The following FSIP2 variants were observed in gnomAD, a reference collection of about 807,000 sequenced individuals.
FSIP2 encodes the protein fibrous sheath-interacting protein 2.
In FSIP2, 367 loss-of-function variants were observed where a neutral mutation model predicts 510.5. That is an observed-to-expected ratio of 0.72 (90% CI 0.66 to 0.78). The LOEUF (loss-of-function observed/expected upper bound fraction) is 0.78, where lower values mean the gene tolerates loss of function less well. Ranked by LOEUF, FSIP2 falls within the 30% of genes least tolerant of loss-of-function variation. FSIP2 has a pLI of 0.00. For synonymous variants in FSIP2, 2,601 were observed against 2,732.2 expected (o/e 0.95, Z 1.50); for missense variants, 7,594 against 7,901.7 (o/e 0.96, Z 1.48).
chr2:185,769,836 C>G (rs1692571113), intron 13 of FSIP2, among the ~76,000 whole-genome samples: 1 of 152,104 alleles, frequency 6.6e-6, no homozygotes, highest in Non-Finnish European at 1.5e-5. Flanking sequence ...ATATGGCTAG[C>G]CAGTTATTCC....
At position 185,802,048 on chromosome 2, in the gene FSIP2, A is replaced by C. The variant is rs1015310106; in HGVS notation, c.12742A>C (p.Ser4248Arg). 21 of 1,532,508 alleles carry C rather than the reference A, an allele frequency of 1.4e-5. No homozygotes were observed. The highest frequency in any genetic ancestry group is 2.0e-5 in the Admixed American group (1 of 50,608). The allele number at this position is 1,532,508 out of a possible 1,614,324, so 94.9% of individuals were successfully genotyped here. A position where few individuals can be genotyped will look rare whatever the true frequency, so the allele number is the denominator to read the frequency against. The change falls in exon 17 of 23, where the codon AGC becomes CGC. Residue 4248 changes from serine (S) to arginine (R), a missense_variant. Coordinates refer to ENST00000424728, the MANE Select transcript of FSIP2 (RefSeq NM_173651.4). ...RSPIMIDQIA[S>R]FIIQEIIENH... Reference sequence around the variant, plus strand: ...CCCAATTATGATTGACCAAATAGCCAGCTTTATCATCCAAGAGATTATCGA... The same window carrying C: ...CCCAATTATGATTGACCAAATAGCCCGCTTTATCATCCAAGAGATTATCGA...
rs1466481367 is a variant in FSIP2, at chr2:185,793,249, C to A, written c.6113C>A (p.Ala2038Glu). Residue 2038 changes from alanine to glutamate, a missense_variant, in exon 16 of 23, where the codon GCA becomes GAA. Ala to Glu is a moderately radical substitution (Grantham distance 107, BLOSUM62 -1). Coordinates refer to ENST00000424728, the MANE Select transcript of FSIP2 (RefSeq NM_173651.4). Reference sequence around the variant, plus strand: ...GACATTGGGATTTCTGAAAGTATTGCAAGTCAAATTGTTAACGCATTGTTA... The same window carrying A: ...GACATTGGGATTTCTGAAAGTATTGAAAGTCAAATTGTTAACGCATTGTTA... ...THDIGISESI[A>E]SQIVNALLDI... 6.5e-7 allele frequency: 1 copy of A among 1,533,972 alleles called. No homozygotes were observed. Among genetic ancestry groups the A allele is most frequent in the East Asian group, 2.4e-5 (1 of 40,832 alleles).
chr2:185,786,134 A>G, intron 14 of FSIP2, 118 bp from the exon 15 acceptor site: 1 of 666,640 alleles, frequency 1.5e-6, no homozygotes, highest in Non-Finnish European at 2.5e-6. Context: ...TTCATTTTGA[A>G]TTTCTAGAGA....
rs1477545070 is a variant in FSIP2 at position 185,791,060 on chromosome 2, T to C, written c.3924T>C (p.Asn1308=). Residue 1308 remains asparagine (N), a synonymous_variant, in exon 16 of 23, where the codon AAT becomes AAC. Coordinates refer to ENST00000424728, the MANE Select transcript of FSIP2 (RefSeq NM_173651.4). ...ACATTGTTTTATGTGCTATCCAGAATGAACTGGAACTTCACAAGGAAAACC... is the reference window on the plus strand; with the variant it reads ...ACATTGTTTTATGTGCTATCCAGAACGAACTGGAACTTCACAAGGAAAACC... ...IVNIVLCAIQ[N]ELELHKENLN... is the part of the protein sequence containing the mutation. 21 of 1,532,146 alleles carry C rather than the reference T, an allele frequency of 1.4e-5. No individual in the cohort carries two copies. The highest frequency in any genetic ancestry group is 1.7e-4 in the Middle Eastern group (1 of 5,982). 94.9% of individuals were successfully genotyped at this position (1,532,146 alleles called of 1,614,324 possible). A position where few individuals can be genotyped will look rare whatever the true frequency, so the allele number is the denominator to read the frequency against.
rs552370978 is a variant in FSIP2, at chr2:185,767,099, A to G, written c.1411+2534A>G. 9.3e-3 allele frequency among the ~76,000 whole-genome samples: 1,311 copies of G among 140,316 alleles called. 10 individuals are homozygous for G. Among genetic ancestry groups the G allele is most frequent in the African/African-American group, 0.033 (1,218 of 37,394 alleles). 92.1% of individuals were successfully genotyped at this position (140,316 alleles called of 152,430 possible). ...AACCAAACACCGCATATTCTCACTCATAGGTGGGAATTGAACAATGAGATC... is the reference window on the plus strand; with the variant it reads ...AACCAAACACCGCATATTCTCACTCGTAGGTGGGAATTGAACAATGAGATC... On this transcript the variant is annotated intron_variant, in intron 13 of 22. Coordinates refer to ENST00000424728, the MANE Select transcript of FSIP2 (RefSeq NM_173651.4).
intron 13 of FSIP2, among the ~76,000 whole-genome samples, chr2:185,771,313 T>C (rs1032336724): frequency 3.3e-5 from 5 of 152,206 alleles, no homozygotes; most frequent in African/African-American, 1.2e-4. Flanking sequence ...CCTACTAGAG[T>C]CTCTCTGCAG....
intron 19 of FSIP2, among the ~76,000 whole-genome samples, chr2:185,820,126 G>A (rs1185010629): frequency 2.0e-5 from 3 of 151,864 alleles, no homozygotes; most frequent in Non-Finnish European, 4.4e-5. Context: ...CCCACATGTC[G>A]TGAGAAGGAC....
rs1441321885 is a variant in FSIP2 at position 185,808,629 on chromosome 2, T to C, written c.19323T>C (p.Tyr6441=). 1.9e-6 allele frequency: 3 copies of C among 1,602,228 alleles called. No individual in the cohort carries two copies. The highest frequency in any genetic ancestry group is 3.4e-5 in the Admixed American group (2 of 58,090). ...CAGGAACCAACAAAGAATTTTATTA[T>C]GATATAAAAGATACAAATACAGCCT... ...QQSGTNKEFY[Y]DIKDTNTAFP... The change falls in exon 17 of 23, where the codon TAT becomes TAC. Residue 6441 remains tyrosine (Y), a synonymous_variant. Coordinates refer to ENST00000424728, the MANE Select transcript of FSIP2 (RefSeq NM_173651.4).
At chr2:185,759,474 T>C (rs1026607695) in intron 9 of FSIP2, among the ~76,000 whole-genome samples, 1 of 145,664 alleles carries the variant, frequency 6.9e-6, no homozygotes, top group Admixed American at 7.0e-5. Context: ...TACAGAAATA[T>C]ATATTCACAT....
In FSIP2 at chr2:185,796,676, T is replaced by G. The variant is rs1265913189; in HGVS notation, c.9540T>G (p.Pro3180=). The G allele has an allele frequency of 6.5e-7, 1 of 1,535,126 alleles. No individual in the cohort carries two copies. The highest frequency in any genetic ancestry group is 8.7e-7 in the Non-Finnish European group (1 of 1,146,266). ...AGGAAGGTAGTTTGGGGATTAATCC[T>G]TCACAAGTGAGTAAAACTGGGTTTG... ...KLKEGSLGIN[P]SQVSKTGFVF... Residue 3180 remains proline (P), a synonymous_variant, in exon 16 of 23, where the codon CCT becomes CCG. Coordinates refer to ENST00000424728, the MANE Select transcript of FSIP2 (RefSeq NM_173651.4).
At position 185,756,237 on chromosome 2, in the gene FSIP2, T is replaced by A; in HGVS notation, c.1037T>A (p.Val346Asp). 1 of 1,350,674 alleles carries A rather than the reference T, an allele frequency of 7.4e-7. No homozygotes were observed. Among genetic ancestry groups the A allele is most frequent in the Admixed American group, 2.2e-5 (1 of 45,810 alleles). The allele number at this position is 1,350,674 out of a possible 1,614,324, so 83.7% of individuals were successfully genotyped here. A position where few individuals can be genotyped will look rare whatever the true frequency, so the allele number is the denominator to read the frequency against. ...KKKTSEDIMLVYPAGDQNTYK... is the reference protein window; with the variant it reads ...KKKTSEDIMLDYPAGDQNTYK... ...AAGACTTCTGAAGATATAATGTTAG[T>A]TTATCCTGCTGGAGACCAGAATACA... Residue 346 changes from valine to aspartate, a missense_variant, in exon 9 of 23, where the codon GTT becomes GAT. Coordinates refer to ENST00000424728, the MANE Select transcript of FSIP2 (RefSeq NM_173651.4).
intron 19 of FSIP2, among the ~76,000 whole-genome samples, chr2:185,817,457 AT>A (rs1693846223): frequency 6.6e-6 from 1 of 152,020 alleles, no homozygotes; most frequent in Non-Finnish European, 1.5e-5. Context: ...GGGAAATTAA[AT>A]CATTTAAAAA....
In FSIP2 at chr2:185,789,229, G is replaced by A. The variant is rs1189570160; in HGVS notation, c.2093G>A (p.Cys698Tyr). 12 of 1,534,370 alleles carry A rather than the reference G, an allele frequency of 7.8e-6. No homozygotes were observed. The highest frequency in any genetic ancestry group is 2.4e-5 in the East Asian group (1 of 40,862). The stretch of plus-strand genomic sequence containing the variant: ...AAAAATGTTTTTGTTAACTTTAAAT[G>A]TTACTTGAAAGGGGAAACTGAAGTG... ...NLKNVFVNFK[C>Y]YLKGETEVIL... The change falls in exon 16 of 23, where the codon TGT becomes TAT. Residue 698 changes from cysteine (C) to tyrosine (Y), a missense_variant. Cys to Tyr is a radical substitution (Grantham distance 194, BLOSUM62 -2). Coordinates refer to ENST00000424728, the MANE Select transcript of FSIP2 (RefSeq NM_173651.4).
chr2:185,813,514 A>AT (rs34138386), intron 17 of FSIP2, 31 bp from the exon 18 acceptor site: 741,531 of 1,391,926 alleles, frequency 0.53, 200,776 homozygotes, highest in South Asian at 0.63. Flanking sequence ...TAGGCATTTG[A>AT]TTTTAATATT....
chr2:185,756,247 T>C lies in FSIP2; in HGVS notation c.1047T>C (p.Ala349=). 1 of 1,340,198 alleles carries C rather than the reference T, an allele frequency of 7.5e-7. No individual in the cohort carries two copies. The highest frequency in any genetic ancestry group is 1.0e-6 in the Non-Finnish European group (1 of 987,458). The allele number at this position is 1,340,198 out of a possible 1,614,324, so 83.0% of individuals were successfully genotyped here. The change falls in exon 9 of 23, where the codon GCT becomes GCC. Residue 349 remains alanine (A), a synonymous_variant. Coordinates refer to ENST00000424728, the MANE Select transcript of FSIP2 (RefSeq NM_173651.4). ...TSEDIMLVYP[A]GDQNTYKETH... ...AAGATATAATGTTAGTTTATCCTGCTGGAGACCAGAATACATATAAAGAAA... is the reference window on the plus strand; with the variant it reads ...AAGATATAATGTTAGTTTATCCTGCCGGAGACCAGAATACATATAAAGAAA...
intron 7 of FSIP2, among the ~76,000 whole-genome samples, chr2:185,748,715 A>G (rs1692084870): frequency 6.6e-6 from 1 of 152,054 alleles, no homozygotes; most frequent in Admixed American, 6.6e-5. Flanking sequence ...GCCTGGGAGG[A>G]GTGCCCATTA....
Position 185,801,559 on chromosome 2 carries a change from T to G in FSIP2, c.12253T>G (p.Leu4085Val). The G allele has an allele frequency of 1.3e-6, 2 of 1,534,182 alleles. No individual in the cohort carries two copies. The highest frequency in any genetic ancestry group is 1.7e-6 in the Non-Finnish European group (2 of 1,145,630). Reference protein sequence around the residue: ...IAEQITNGILLEILDYKLPSC... With the variant: ...IAEQITNGILVEILDYKLPSC... The stretch of plus-strand genomic sequence containing the variant: ...AGAACAAATAACAAATGGCATATTG[T>G]TAGAGATTTTAGACTACAAACTGCC... Residue 4085 changes from leucine (L) to valine (V), a missense_variant, in exon 17 of 23, where the codon TTA becomes GTA. Transcript: ENST00000424728.
At chr2:185,760,479 T>C (rs919129706) in intron 9 of FSIP2, among the ~76,000 whole-genome samples, 1 of 147,212 alleles carries the variant, frequency 6.8e-6, no homozygotes, top group African/African-American at 2.4e-5. Context: ...AAATTTTATT[T>C]ATAATAAAAT....
At chr2:185,738,229 G>A, upstream of FSIP2, 1 of 252,978 alleles carries the variant, frequency 4.0e-6, no homozygotes, top group South Asian at 4.3e-5. Flanking sequence ...TGGCCCAGAA[G>A]CGTCAAGCAC....
Sources: allele counts gnomAD v4.1 joint callset (sites outside exome capture counted in the v4.1 genomes callset), GRCh38; gene constraint gnomAD v4.1.1; transcripts MANE v1.5; gene names NCBI Gene and HGNC (gene_info 2026-07-23, HGNC 2026-07-21).